SERINC5: variants seen among roughly 807,000 people sequenced by gnomAD.
SERINC5 encodes the protein serine incorporator 5.
In SERINC5, 41 loss-of-function variants were observed where a neutral mutation model predicts 63.1. That is an observed-to-expected ratio of 0.65 (90% CI 0.51 to 0.84). The LOEUF is 0.84. Among genes scored for constraint, SERINC5 ranks in the 40% least tolerant of loss-of-function variants. The pLI is 0.00. For synonymous variants in SERINC5, 222 were observed against 215.2 expected (o/e 1.03, Z -0.28); for missense variants, 523 against 573.0 (o/e 0.91, Z 0.89).
Position 80,158,830 on chromosome 5 carries a change from A to G in SERINC5, c.986+6T>C. On this transcript the variant is annotated splice_donor_region_variant and intron_variant, in intron 8 of 11. Coordinates refer to ENST00000507668, the MANE Select transcript of SERINC5 (RefSeq NM_001174072.3). Reference sequence around the variant, plus strand: ...AAAGTGACCTTGAGTAACTCCCAAGACTTACCATGAATACAAGATACATCC... The same window carrying G: ...AAAGTGACCTTGAGTAACTCCCAAGGCTTACCATGAATACAAGATACATCC... 10 of 1,612,818 alleles carry G rather than the reference A, an allele frequency of 6.2e-6. No homozygotes were observed. The highest frequency in any genetic ancestry group is 8.5e-6 in the Non-Finnish European group (10 of 1,179,678).
intron 8 of SERINC5, among the ~76,000 whole-genome samples, chr5:80,155,001 G>A (rs150181711): frequency 6.6e-6 from 1 of 152,260 alleles, no homozygotes; most frequent in Non-Finnish European, 1.5e-5. Flanking sequence ...AAATACTCCC[G>A]AAAAGGAGCC....
intron 8 of SERINC5, among the ~76,000 whole-genome samples, chr5:80,154,958 A>G (rs972349608): frequency 6.6e-6 from 1 of 152,194 alleles, no homozygotes; most frequent in Non-Finnish European, 1.5e-5. Context: ...CTGAAGAAAA[A>G]GAGCCGGGGA....
chr5:80,240,566 A>T (rs1751901094), intron 1 of SERINC5, among the ~76,000 whole-genome samples: 1 of 152,216 alleles, frequency 6.6e-6, no homozygotes, highest in Non-Finnish European at 1.5e-5. Context: ...GTCATGTTGT[A>T]TTGTAGCAGA....
intron 1 of SERINC5, among the ~76,000 whole-genome samples, chr5:80,245,965 TA>T (rs57108110): frequency 0.44 from 50,732 of 115,240 alleles, 10,953 homozygotes; most frequent in East Asian, 0.74. Context: ...GTCAGCTCTT[TA>T]AAAAAAAAAA....
chr5:80,137,139 C>CAAA (rs869035894), downstream of SERINC5, among the ~76,000 whole-genome samples: 78 of 67,636 alleles, frequency 1.2e-3, 1 homozygote, highest in East Asian at 4.2e-3. Flanking sequence ...GACCCTGTCT[C>CAAA]AAAAAAAAAA....
chr5:80,217,248 T>C (rs34402525), intron 1 of SERINC5, among the ~76,000 whole-genome samples: 18,712 of 152,242 alleles, frequency 0.12, 1,335 homozygotes, highest in Non-Finnish European at 0.16. Context: ...CGTTCTACTT[T>C]ATAAATAGTA....
chr5:80,200,134 G>A (rs1204527450), intron 2 of SERINC5, among the ~76,000 whole-genome samples: 1 of 143,858 alleles, frequency 7.0e-6, no homozygotes, highest in Non-Finnish European at 1.5e-5. Context: ...CTCTAGCTTG[G>A]GCAACAGAGC....
At chr5:80,178,287 A>T (rs1304041774) in intron 2 of SERINC5, among the ~76,000 whole-genome samples, 1 of 152,110 alleles carries the variant, frequency 6.6e-6, no homozygotes, top group Non-Finnish European at 1.5e-5. Context: ...TACTTGCCCC[A>T]AATGACTTCT....
intron 1 of SERINC5, among the ~76,000 whole-genome samples, chr5:80,219,469 C>T (rs16877612): frequency 0.39 from 58,770 of 151,932 alleles, 11,595 homozygotes; most frequent in East Asian, 0.52. Context: ...GTGGAAGGAA[C>T]GAATAGGTGT....
At chr5:80,181,390 G>A (rs549683644) in intron 2 of SERINC5, among the ~76,000 whole-genome samples, 42 of 138,064 alleles carry the variant, frequency 3.0e-4, no homozygotes, top group African/African-American at 1.0e-3. Context: ...AGGACTACAG[G>A]CATGCACCAC....
At position 80,255,972 on chromosome 5, in the gene SERINC5, G is replaced by A. The variant is rs760585023; in HGVS notation, c.-50C>T. 8 of 1,484,104 alleles carry A rather than the reference G, an allele frequency of 5.4e-6. No homozygotes were observed. In the African/African-American group the frequency reaches 7.3e-5, roughly 13 times the overall value. 91.9% of individuals were successfully genotyped at this position (1,484,104 alleles called of 1,614,324 possible). On this transcript the variant is annotated 5_prime_UTR_variant, in exon 1 of 12. Transcript: ENST00000507668. ...GCTCGCTGGCTCCCCGCGCCGCACG[G>A]GCCCTCCTGGCTGCCTCGCGCCTCG...
chr5:80,142,834 C>G lies in SERINC5; in HGVS notation c.*829G>C. 2 of 985,360 alleles carry G rather than the reference C, an allele frequency of 2.0e-6. No homozygotes were observed. The highest frequency in any genetic ancestry group is 2.4e-6 in the Non-Finnish European group (2 of 829,878). 61.0% of individuals were successfully genotyped at this position (985,360 alleles called of 1,614,324 possible). ...ACAAACAAGTAAGAATGATAGCCCT[C>G]CATTGCTTAGGCAGAGAAAACATGA... On this transcript the variant is annotated 3_prime_UTR_variant, in exon 12 of 12. Transcript: ENST00000507668.
chr5:80,144,317 C>T (rs1057508196), intron 11 of SERINC5, among the ~76,000 whole-genome samples: 4 of 152,146 alleles, frequency 2.6e-5, no homozygotes, highest in South Asian at 2.1e-4. Flanking sequence ...GTATGAACAC[C>T]GCTGTGTAAG....
At chr5:80,186,373 G>A (rs1329619447) in intron 2 of SERINC5, among the ~76,000 whole-genome samples, 1 of 151,972 alleles carries the variant, frequency 6.6e-6, no homozygotes, top group Non-Finnish European at 1.5e-5. Context: ...CCTGACCTCA[G>A]GTGATCCACC....
intron 1 of SERINC5, among the ~76,000 whole-genome samples, chr5:80,232,333 T>G (rs1198419764): frequency 3.3e-5 from 5 of 149,916 alleles, no homozygotes; most frequent in Non-Finnish European, 5.9e-5. Flanking sequence ...GAACCCGGGA[T>G]GTGGAGCTTG....
intron 8 of SERINC5, 31 bp downstream of exon 8, chr5:80,158,803 CAA>C: frequency 6.3e-7 from 1 of 1,599,304 alleles, no homozygotes; most frequent in East Asian, 2.2e-5. Context: ...TTAAAGTCTG[CAA>C]AAGTGACCTT....
chr5:80,175,863 C>CAAAAA (rs1491197344), intron 4 of SERINC5, among the ~76,000 whole-genome samples: 2 of 40,762 alleles, frequency 4.9e-5, no homozygotes, highest in Admixed American at 2.6e-4. Flanking sequence ...GACTTGGTCT[C>CAAAAA]AAAAAAAAAA....
chr5:80,169,283 A>G, intron 6 of SERINC5, 52 bp downstream of exon 6: 1 of 1,507,446 alleles, frequency 6.6e-7, no homozygotes, highest in Non-Finnish European at 9.2e-7. Flanking sequence ...GGGTTTGCTC[A>G]AAGACACTTA....
In SERINC5 at chr5:80,145,185, T is replaced by TA. The variant is rs547534960; in HGVS notation, c.1238+904dup. ...GAAACTCCGTCTCTACTAAAAATAA[T>TA]AAAAAAAAAAATTAGCCAGTGTGGT... On this transcript the variant is annotated intron_variant, in intron 11 of 11. Coordinates refer to ENST00000507668, the MANE Select transcript of SERINC5 (RefSeq NM_001174072.3). Among the ~76,000 whole-genome samples, 1,006 of 145,436 alleles carry TA rather than the reference T, an allele frequency of 6.9e-3. 10 individuals are homozygous for TA. Among genetic ancestry groups the TA allele is most frequent in the African/African-American group, 0.022 (888 of 39,952 alleles).
Sources: allele counts gnomAD v4.1 joint callset (sites outside exome capture counted in the v4.1 genomes callset), GRCh38; gene constraint gnomAD v4.1.1; transcripts MANE v1.5; gene names NCBI Gene and HGNC (gene_info 2026-07-23, HGNC 2026-07-21).